TMEM74: variants seen among roughly 807,000 people sequenced by gnomAD.
The protein encoded by TMEM74 is transmembrane protein 74.
A neutral mutation model predicts 18.1 loss-of-function variants in TMEM74; 13 were observed. The observed-to-expected ratio is 0.72, with a 90% CI of 0.47 to 1.14. The LOEUF (loss-of-function observed/expected upper bound fraction) is 1.14. Ranked by LOEUF, TMEM74 falls within the 50% of genes most tolerant of loss-of-function variation. The probability of loss-of-function intolerance (pLI) is 0.00; values close to 1 mark genes in which losing one functional copy is unlikely to be tolerated. For synonymous variants in TMEM74, 159 were observed against 146.6 expected, an observed-to-expected ratio of 1.08 and a Z score of -0.61; for missense variants, 372 against 375.9, an observed-to-expected ratio of 0.99 and a Z score of 0.09.
intron 1 of TMEM74, among the ~76,000 whole-genome samples, chr8:108,758,691 A>G (rs1453789537): frequency 6.6e-6 from 1 of 152,092 alleles, no homozygotes; most frequent in Non-Finnish European, 1.5e-5. Context: ...TGGACCTATC[A>G]GAGAAATTAT....
At chr8:108,619,705 C>T (rs1056266675) in intron 2 of TMEM74, among the ~76,000 whole-genome samples, 5 of 152,138 alleles carry the variant, frequency 3.3e-5, no homozygotes, top group East Asian at 3.9e-4. Context: ...CCCTCATGTC[C>T]CAGGAGAGCA....
rs376237660 is a variant in TMEM74, at chr8:108,724,425, T to C, written n.119+63051A>G. Among the ~76,000 whole-genome samples the C allele has an allele frequency of 3.9e-5, 6 of 152,308 alleles. No homozygotes were observed. The South Asian group carries it at 1.2e-3, about 32-fold the overall frequency. On this transcript the variant is annotated intron_variant and non_coding_transcript_variant, in intron 1 of 3. Transcript: ENST00000518838. ...TGTTATGAAATCAAGTTGGATTTTG[T>C]ATGGCTAGATACAGATGGTGCCATA...
intron 1 of TMEM74, among the ~76,000 whole-genome samples, chr8:108,674,294 T>C (rs1813032126): frequency 6.6e-6 from 1 of 152,178 alleles, no homozygotes; most frequent in Admixed American, 6.6e-5. Flanking sequence ...TTGATGTGTT[T>C]GTATGTGTAT....
At chr8:108,707,710 T>C (rs1813430467) in intron 1 of TMEM74, among the ~76,000 whole-genome samples, 1 of 152,130 alleles carries the variant, frequency 6.6e-6, no homozygotes, top group Non-Finnish European at 1.5e-5. Flanking sequence ...AATTAAAGAC[T>C]TAACTGTAAG....
chr8:108,683,284 T>C (rs1355051266), intron 1 of TMEM74, among the ~76,000 whole-genome samples: 1 of 151,630 alleles, frequency 6.6e-6, no homozygotes, highest in Non-Finnish European at 1.5e-5. Context: ...ATTAATTCAA[T>C]TGAGCTGCAT....
chr8:108,719,655 A>C (rs1478565634), intron 1 of TMEM74, among the ~76,000 whole-genome samples: 1 of 152,166 alleles, frequency 6.6e-6, no homozygotes, highest in Non-Finnish European at 1.5e-5. Flanking sequence ...CCAAACTGGA[A>C]TTTCAAAGAA....
At chr8:108,754,400 C>T (rs1813935082) in intron 1 of TMEM74, among the ~76,000 whole-genome samples, 1 of 151,928 alleles carries the variant, frequency 6.6e-6, no homozygotes, top group Non-Finnish European at 1.5e-5. Flanking sequence ...TGATCCTGGA[C>T]TCCTGGTCTT....
chr8:108,754,975 G>A (rs1241522846), intron 1 of TMEM74, among the ~76,000 whole-genome samples: 2 of 151,906 alleles, frequency 1.3e-5, no homozygotes, highest in Non-Finnish European at 2.9e-5. Context: ...CTCCTATTTG[G>A]GAGGGCTATC....
intron 2 of TMEM74, chr8:108,652,458 C>T (rs945061437): frequency 7.7e-5 from 28 of 365,910 alleles, no homozygotes; most frequent in African/African-American, 5.8e-4. Context: ...TATCTGAGAG[C>T]TTTCAGTTTC....
rs1238246710 is a variant in TMEM74 at position 108,655,609 on chromosome 8, C to G, written n.120-172G>C. Among the ~76,000 whole-genome samples, 13 of 152,204 alleles carry G rather than the reference C, an allele frequency of 8.5e-5. No homozygotes were observed. In the East Asian group the frequency reaches 2.5e-3, roughly 29 times the overall value. On this transcript the variant is annotated intron_variant and non_coding_transcript_variant, in intron 1 of 3. Transcript: ENST00000518838. ...GAAAATGCACCTCCATGGAAATTCT[C>G]TTTTACTCCCCCAAGCTGCTGGATT... is the stretch of plus-strand genomic sequence containing the variant.
rs569509730 is a variant in TMEM74, at chr8:108,780,278, T to C, written c.*3903A>G. ...AAAACCTTCTCCTAAGAGATATACATATAGAACACTTTTTTAACTTGACAA... is the reference window on the plus strand; with the variant it reads ...AAAACCTTCTCCTAAGAGATATACACATAGAACACTTTTTTAACTTGACAA... On this transcript the variant is annotated 3_prime_UTR_variant, in exon 2 of 2. Transcript: ENST00000297459. Among the ~76,000 whole-genome samples, 14 of 152,262 alleles carry C rather than the reference T, an allele frequency of 9.2e-5. No homozygotes were observed. In the South Asian group the frequency reaches 1.0e-3, roughly 11 times the overall value.
chr8:108,653,550 G>A (rs1812794123), intron 2 of TMEM74, among the ~76,000 whole-genome samples: 1 of 152,096 alleles, frequency 6.6e-6, no homozygotes, highest in African/African-American at 2.4e-5. Flanking sequence ...CAAGGAATTA[G>A]CCCAAAACCA....
chr8:108,784,773 G>A lies in TMEM74; in HGVS notation c.326C>T (p.Thr109Ile), dbSNP rs764963578. Reference protein sequence around the residue: ...VCNCCSQELETSFTYVDKNIN... With the variant: ...VCNCCSQELEISFTYVDKNIN... ...GTTTTTGTCCACATAGGTAAAAGAA[G>A]TTTCTAATTCCTGGCTGCAGCAGTT... is the stretch of plus-strand genomic sequence containing the variant. The change falls in exon 2 of 2, where the codon ACT becomes ATT. Residue 109 changes from threonine to isoleucine, a missense_variant. Physicochemically the swap from Thr to Ile is moderately conservative, Grantham distance 89. Transcript: ENST00000297459. The A allele has an allele frequency of 6.2e-7, 1 of 1,614,210 alleles. No individual in the cohort carries two copies. Among genetic ancestry groups the A allele is most frequent in the Non-Finnish European group, 8.5e-7 (1 of 1,180,034 alleles).
chr8:108,758,703 A>C (rs1214916358), intron 1 of TMEM74, among the ~76,000 whole-genome samples: 1 of 152,094 alleles, frequency 6.6e-6, no homozygotes, highest in African/African-American at 2.4e-5. Context: ...AGAAATTATC[A>C]GACCAAAGAA....
At chr8:108,745,912 A>G (rs1813844262) in intron 1 of TMEM74, among the ~76,000 whole-genome samples, 1 of 152,074 alleles carries the variant, frequency 6.6e-6, no homozygotes, top group Non-Finnish European at 1.5e-5. Context: ...TGATCTAATT[A>G]CCGGTGCATA....
At chr8:108,667,159 T>C (rs1049192140) in intron 1 of TMEM74, among the ~76,000 whole-genome samples, 1 of 152,142 alleles carries the variant, frequency 6.6e-6, no homozygotes, top group Non-Finnish European at 1.5e-5. Context: ...GTAATCTCGT[T>C]GATCTAGATT....
intron 2 of TMEM74, chr8:108,626,802 C>T (rs1812498853): frequency 6.6e-6 from 1 of 151,924 alleles, no homozygotes; most frequent in African/African-American, 2.4e-5. Flanking sequence ...GCCCATTAGC[C>T]ACCTCATACA....
At chr8:108,680,482 A>C (rs556401157) in intron 1 of TMEM74, among the ~76,000 whole-genome samples, 1 of 152,236 alleles carries the variant, frequency 6.6e-6, no homozygotes, top group South Asian at 2.1e-4. Flanking sequence ...CATGCTAAAA[A>C]CTCTCAACAA....
chr8:108,738,257 T>C (rs1001925081), intron 1 of TMEM74, among the ~76,000 whole-genome samples: 3 of 152,216 alleles, frequency 2.0e-5, no homozygotes, highest in African/African-American at 7.2e-5. Flanking sequence ...CATAATTGTA[T>C]ACCTCCACCT....
Sources: allele counts gnomAD v4.1 joint callset (sites outside exome capture counted in the v4.1 genomes callset), GRCh38; gene constraint gnomAD v4.1.1; transcripts MANE v1.5; gene names NCBI Gene and HGNC (gene_info 2026-07-23, HGNC 2026-07-21).